TRIT1: variants seen among roughly 807,000 people sequenced by gnomAD.
The protein encoded by TRIT1 is tRNA dimethylallyltransferase.
TRIT1 carries 43 observed loss-of-function variants against 51.2 expected under a neutral mutation model. That is an observed-to-expected ratio of 0.84 (90% CI 0.66 to 1.08). The LOEUF is 1.08. Ranked by LOEUF, TRIT1 falls within the 50% of genes least tolerant of loss-of-function variation. TRIT1 has a pLI of 0.00. For synonymous variants in TRIT1, 184 were observed against 203.9 expected (o/e 0.90, Z 0.83); for missense variants, 528 against 578.4 (o/e 0.91, Z 0.89).
chr1:39,848,149 T>C (rs763342065), intron 5 of TRIT1, 52 bp from the exon 6 acceptor site: 2 of 1,350,156 alleles, frequency 1.5e-6, no homozygotes, highest in African/African-American at 1.4e-5. Flanking sequence ...GTACCTACTA[T>C]ATACTTACAT....
At chr1:39,867,945 ATTCT>A (rs979273784) in intron 1 of TRIT1, among the ~76,000 whole-genome samples, 2 of 151,056 alleles carry the variant, frequency 1.3e-5, no homozygotes, top group Non-Finnish European at 2.9e-5. Flanking sequence ...CCCCTTCAAG[ATTCT>A]TTTTTTTTTT....
intron 1 of TRIT1, among the ~76,000 whole-genome samples, chr1:39,873,592 T>C (rs1222519025): frequency 6.6e-6 from 1 of 152,190 alleles, no homozygotes; most frequent in Non-Finnish European, 1.5e-5. Context: ...TATAATTTAG[T>C]TAATAGTATT....
chr1:39,843,586 G>C (rs1642050168), intron 10 of TRIT1, among the ~76,000 whole-genome samples: 1 of 152,128 alleles, frequency 6.6e-6, no homozygotes, highest in African/African-American at 2.4e-5. Context: ...TTTTATCACA[G>C]TTTTAGCAAC....
Position 39,872,369 on chromosome 1 carries a change from C to T in TRIT1, c.174+10949G>A, listed in dbSNP as rs117748331. ...TAAGTAACTTCATAAAACAATGTTA[C>T]TACTCGATACTGTAAGGATAAAAAC... On this transcript the variant is annotated intron_variant, in intron 1 of 10. Coordinates refer to ENST00000316891, the MANE Select transcript of TRIT1 (RefSeq NM_017646.6). Among the ~76,000 whole-genome samples, 445 of 152,200 alleles carry T rather than the reference C, an allele frequency of 2.9e-3. 2 individuals carry two copies. The highest frequency in any genetic ancestry group is 0.028 in the South Asian group (136 of 4,824).
intron 1 of TRIT1, among the ~76,000 whole-genome samples, chr1:39,860,907 G>A (rs750039106): frequency 1.3e-5 from 2 of 152,034 alleles, no homozygotes; most frequent in Non-Finnish European, 2.9e-5. Context: ...GTGAAACCCC[G>A]TCTCTATTAA....
chr1:39,881,326 T>C (rs929691823), intron 1 of TRIT1, among the ~76,000 whole-genome samples: 3 of 152,236 alleles, frequency 2.0e-5, no homozygotes, highest in African/African-American at 2.4e-5. Context: ...GAAACTCTTA[T>C]TACTTAAGTC....
At chr1:39,882,543 C>T (rs752763826) in intron 1 of TRIT1, among the ~76,000 whole-genome samples, 3 of 152,218 alleles carry the variant, frequency 2.0e-5, no homozygotes, top group African/African-American at 4.8e-5. Context: ...TGATGTACAC[C>T]CCTTCTGGGC....
At chr1:39,857,773 T>A (rs914045749) in intron 1 of TRIT1, among the ~76,000 whole-genome samples, 1 of 152,198 alleles carries the variant, frequency 6.6e-6, no homozygotes, top group Admixed American at 6.5e-5. Flanking sequence ...TCCAGAAAGG[T>A]AACATTTGCA....
At chr1:39,882,723 T>G (rs1190584778) in intron 1 of TRIT1, among the ~76,000 whole-genome samples, 1 of 152,228 alleles carries the variant, frequency 6.6e-6, no homozygotes, top group Non-Finnish European at 1.5e-5. Context: ...TATAACCTTG[T>G]GCGGTAGGTG....
intron 10 of TRIT1, among the ~76,000 whole-genome samples, chr1:39,843,301 A>T (rs189368168): frequency 7.1e-4 from 108 of 152,296 alleles, no homozygotes; most frequent in African/African-American, 2.5e-3. Flanking sequence ...GTAAACGACA[A>T]GCCCCACTGT....
intron 1 of TRIT1, among the ~76,000 whole-genome samples, chr1:39,877,477 C>T (rs1355203618): frequency 3.3e-5 from 5 of 152,084 alleles, no homozygotes; most frequent in Non-Finnish European, 7.4e-5. Context: ...GAACTGTGCT[C>T]CTATGTACGG....
chr1:39,855,892 T>C (rs1423653508), intron 2 of TRIT1, among the ~76,000 whole-genome samples: 10 of 152,170 alleles, frequency 6.6e-5, no homozygotes, highest in African/African-American at 1.7e-4. Flanking sequence ...AGAAGGCTGA[T>C]TGGGGCCAGG....
chr1:39,874,950 G>T (rs1040882930), intron 1 of TRIT1, among the ~76,000 whole-genome samples: 8 of 152,050 alleles, frequency 5.3e-5, no homozygotes, highest in African/African-American at 1.9e-4. Flanking sequence ...TTATAGGCGT[G>T]AGCCACTGTG....
At position 39,843,403 on chromosome 1, in the gene TRIT1, A is replaced by G. The variant is rs1642032503; in HGVS notation, c.1234+698T>C. On this transcript the variant is annotated intron_variant, in intron 10 of 10. Transcript: ENST00000316891. Reference sequence around the variant, plus strand: ...TCCTGGGCTTTGACTGGATGACTACAGAAATCTGAAAATCCAATGATGTGT... The same window carrying G: ...TCCTGGGCTTTGACTGGATGACTACGGAAATCTGAAAATCCAATGATGTGT... Among the ~76,000 whole-genome samples the G allele has an allele frequency of 2.0e-5, 3 of 152,200 alleles. No homozygotes were observed. In the South Asian group the frequency reaches 6.2e-4, roughly 32 times the overall value.
Position 39,848,016 on chromosome 1 carries a change from C to T in TRIT1, c.785G>A (p.Arg262His), listed in dbSNP as rs1394980034. 6.8e-6 allele frequency: 11 copies of T among 1,614,040 alleles called. No individual in the cohort carries two copies. The highest frequency in any genetic ancestry group is 2.2e-5 in the South Asian group (2 of 91,074). Residue 262 changes from arginine (R) to histidine (H), a missense_variant, in exon 6 of 11, where the codon CGC (arginine) becomes CAC (histidine). Coordinates refer to ENST00000316891, the MANE Select transcript of TRIT1 (RefSeq NM_017646.6). ...LLEELRDFHRRYNQKNVSENS... is the reference protein window; with the variant it reads ...LLEELRDFHRHYNQKNVSENS... ...TTCCGAAACATTCTTCTGATTATAG[C>T]GTCTGTGAAAATCTCTTAGTTCCTC...
At chr1:39,879,680 C>A (rs1322189256) in intron 1 of TRIT1, among the ~76,000 whole-genome samples, 2 of 151,084 alleles carry the variant, frequency 1.3e-5, no homozygotes, top group African/African-American at 2.4e-5. Context: ...TCCAGACCAG[C>A]CTGGCCAACA....
intron 1 of TRIT1, among the ~76,000 whole-genome samples, chr1:39,858,488 T>C (rs1260632348): frequency 6.6e-6 from 1 of 152,182 alleles, no homozygotes; most frequent in Non-Finnish European, 1.5e-5. Flanking sequence ...ATTAAATGAG[T>C]TACTACTAAA....
intron 1 of TRIT1, chr1:39,862,875 T>C: frequency 1.0e-6 from 1 of 985,466 alleles, no homozygotes; most frequent in Non-Finnish European, 1.2e-6. Flanking sequence ...ATCTGTGTTA[T>C]CTTTCAAAGA....
At position 39,839,415 on chromosome 1, in the gene TRIT1, T is replaced by C. The variant is rs1652485957; in HGVS notation, c.*2329A>G. On this transcript the variant is annotated 3_prime_UTR_variant, in exon 11 of 11. Coordinates refer to ENST00000316891, the MANE Select transcript of TRIT1 (RefSeq NM_017646.6). ...AACATCCATGTTTTAGGCCTCAGTT[T>C]CCCCATCCATACAAGAGATAAAGAA... Among the ~76,000 whole-genome samples the C allele has an allele frequency of 6.6e-6, 1 of 152,190 alleles. No homozygotes were observed. Among genetic ancestry groups the C allele is most frequent in the East Asian group, 1.9e-4 (1 of 5,206 alleles).
Sources: allele counts gnomAD v4.1 joint callset (sites outside exome capture counted in the v4.1 genomes callset), GRCh38; gene constraint gnomAD v4.1.1; transcripts MANE v1.5; gene names NCBI Gene and HGNC (gene_info 2026-07-23, HGNC 2026-07-21).